FILIP1: variants seen among roughly 807,000 people sequenced by gnomAD.
FILIP1 encodes filamin-A-interacting protein 1.
FILIP1 carries 61 observed loss-of-function variants against 102.1 expected under a neutral mutation model. The observed-to-expected ratio is 0.60, with a 90% CI of 0.49 to 0.74. FILIP1 has a LOEUF of 0.74. FILIP1 is among the 30% of genes least tolerant of loss of function. FILIP1 has a pLI of 0.00. For synonymous variants in FILIP1, 491 were observed against 526.9 expected, an observed-to-expected ratio of 0.93 and a Z score of 0.93; for missense variants, 1,314 against 1,441.2, an observed-to-expected ratio of 0.91 and a Z score of 1.43.
intron 2 of FILIP1, among the ~76,000 whole-genome samples, chr6:75,395,630 G>T (rs1426067693): frequency 6.6e-6 from 1 of 152,102 alleles, no homozygotes; most frequent in East Asian, 1.9e-4. Context: ...TTGGTGTTTT[G>T]CCTAATTTTT....
intron 2 of FILIP1, among the ~76,000 whole-genome samples, chr6:75,392,058 A>C (rs1017612716): frequency 6.6e-6 from 1 of 152,144 alleles, no homozygotes; most frequent in Non-Finnish European, 1.5e-5. Context: ...CTCTGCCCTG[A>C]AAAATGTTCC....
intron 1 of FILIP1, among the ~76,000 whole-genome samples, chr6:75,491,099 T>C (rs1371789864): frequency 6.6e-6 from 1 of 152,094 alleles, no homozygotes; most frequent in East Asian, 1.9e-4. Context: ...TGTCTAAACT[T>C]AGAAAGAATC....
At chr6:75,433,161 A>G in intron 1 of FILIP1, among the ~76,000 whole-genome samples, 1 of 152,256 alleles carries the variant, frequency 6.6e-6, no homozygotes, top group Non-Finnish European at 1.5e-5. Flanking sequence ...TCTTTATAGC[A>G]GCATGATTTA....
intron 4 of FILIP1, among the ~76,000 whole-genome samples, chr6:75,330,026 C>G (rs1030307427): frequency 2.0e-5 from 3 of 152,090 alleles, no homozygotes; most frequent in African/African-American, 4.8e-5. Context: ...ATATACTGTG[C>G]AGGGCTGGGA....
intron 1 of FILIP1, among the ~76,000 whole-genome samples, chr6:75,488,714 C>T (rs1779866533): frequency 6.6e-6 from 1 of 152,076 alleles, no homozygotes; most frequent in African/African-American, 2.4e-5. Flanking sequence ...CAGATTTAAA[C>T]CATTTATGTC....
chr6:75,467,209 T>C (rs1779194708), intron 1 of FILIP1, among the ~76,000 whole-genome samples: 1 of 152,224 alleles, frequency 6.6e-6, no homozygotes, highest in South Asian at 2.1e-4. Flanking sequence ...TCTTTTACTT[T>C]TTTTACTTTA....
intron 5 of FILIP1, among the ~76,000 whole-genome samples, chr6:75,309,800 C>T (rs1252130022): frequency 5.9e-5 from 9 of 152,192 alleles, no homozygotes; most frequent in African/African-American, 1.9e-4. Flanking sequence ...GTCATGAAAT[C>T]GTTATGATTC....
chr6:75,347,293 A>G (rs968991446), intron 4 of FILIP1, among the ~76,000 whole-genome samples: 1 of 152,246 alleles, frequency 6.6e-6, no homozygotes, highest in African/African-American at 2.4e-5. Context: ...ATAATTACAT[A>G]TCTTATAGTT....
At chr6:75,417,087 A>G (rs940494572) in intron 1 of FILIP1, among the ~76,000 whole-genome samples, 2 of 152,110 alleles carry the variant, frequency 1.3e-5, no homozygotes, top group African/African-American at 4.8e-5. Flanking sequence ...AGAATTATGT[A>G]ATTATTTTAT....
intron 2 of FILIP1, among the ~76,000 whole-genome samples, chr6:75,392,812 G>A (rs576293216): frequency 1.2e-4 from 18 of 152,212 alleles, no homozygotes; most frequent in East Asian, 9.7e-4. Context: ...TGGGTCTCAC[G>A]AGACTGATGG....
intron 1 of FILIP1, among the ~76,000 whole-genome samples, chr6:75,431,297 G>A (rs1353159706): frequency 6.6e-6 from 1 of 152,120 alleles, no homozygotes; most frequent in East Asian, 1.9e-4. Flanking sequence ...AAACAGTAAA[G>A]TCTGTTTCTC....
At chr6:75,298,300 A>G (rs575203982) in intron 6 of FILIP1, among the ~76,000 whole-genome samples, 1 of 152,358 alleles carries the variant, frequency 6.6e-6, no homozygotes, top group South Asian at 2.1e-4. Flanking sequence ...TGTCTCAGAA[A>G]TACTTGATAA....
chr6:75,353,310 G>T (rs753575147), intron 4 of FILIP1, among the ~76,000 whole-genome samples: 2 of 152,158 alleles, frequency 1.3e-5, no homozygotes, highest in African/African-American at 4.8e-5. Flanking sequence ...TAACATCCTT[G>T]TTGGGAATGT....
intron 1 of FILIP1, among the ~76,000 whole-genome samples, chr6:75,488,128 A>C (rs1354829947): frequency 2.6e-5 from 4 of 152,240 alleles, no homozygotes; most frequent in South Asian, 2.1e-4. Context: ...TGGGAAAAAA[A>C]CCCAAACTTT....
At chr6:75,477,602 GAGAA>G (rs1444068944) in intron 1 of FILIP1, among the ~76,000 whole-genome samples, 2 of 151,444 alleles carry the variant, frequency 1.3e-5, no homozygotes, top group African/African-American at 4.8e-5. Flanking sequence ...AAAAAATAGA[GAGAA>G]AGAAAAAAAT....
intron 4 of FILIP1, chr6:75,319,599 G>T (rs1773572028): frequency 2.2e-6 from 1 of 461,534 alleles, no homozygotes; most frequent in Non-Finnish European, 4.1e-6. Context: ...GGGAGGCCGA[G>T]GCTGGCGGAT....
chr6:75,484,993 T>C (rs1779743829), intron 1 of FILIP1, among the ~76,000 whole-genome samples: 1 of 152,128 alleles, frequency 6.6e-6, no homozygotes. Context: ...AAAAAAATAC[T>C]TCTAGAGGCC....
intron 1 of FILIP1, among the ~76,000 whole-genome samples, chr6:75,417,536 C>T (rs1562571143): frequency 6.6e-6 from 1 of 152,170 alleles, no homozygotes; most frequent in African/African-American, 2.4e-5. Flanking sequence ...CAATAATGGA[C>T]TTGCATGTGT....
At chr6:75,312,025 C>G (rs1017399738) in intron 5 of FILIP1, among the ~76,000 whole-genome samples, 1 of 152,076 alleles carries the variant, frequency 6.6e-6, no homozygotes, top group African/African-American at 2.4e-5. Context: ...AATTTTAATT[C>G]TTCCTCCATA....
Sources: gnomAD v4.1 joint callset for allele counts (sites outside exome capture counted in the v4.1 genomes callset) on GRCh38, gnomAD v4.1.1 for gene constraint, MANE v1.5 for transcripts, NCBI Gene and HGNC (gene_info 2026-07-23, HGNC 2026-07-21) for gene names.